The following TLE2 variants were observed in gnomAD, a reference collection of about 807,000 sequenced individuals.
The protein encoded by TLE2 is transducin-like enhancer protein 2.
Under a neutral mutation model 97.2 loss-of-function variants are expected in TLE2, and 74 were observed. That is an observed-to-expected ratio of 0.76 (90% confidence interval 0.63 to 0.92). The LOEUF (loss-of-function observed/expected upper bound fraction) is 0.92. Among genes scored for constraint, TLE2 ranks in the 40% least tolerant of loss-of-function variants. The pLI is 0.00. For missense variants in TLE2, 1,038 were observed against 1,008.7 expected, an observed-to-expected ratio of 1.03 and a Z score of -0.39; for synonymous variants, 499 against 432.1, an observed-to-expected ratio of 1.15 and a Z score of -1.92.
intron 18 of TLE2, among the ~76,000 whole-genome samples, chr19:3,002,066 G>A (rs551407419): frequency 2.4e-4 from 36 of 152,092 alleles, no homozygotes; most frequent in Non-Finnish European, 3.5e-4. Context: ...CCAAAGTGTT[G>A]GGATGACAGG....
chr19:3,029,004 GAAGA>G lies in TLE2; in HGVS notation c.-104_-101del. Reference sequence around the variant, plus strand: ...AAGTGGGGTGGTGGGGAGGCTGCCCGAAGAAAGAGGGAGGAGGGAGAAGCGGCGC... The same window carrying G: ...AAGTGGGGTGGTGGGGAGGCTGCCCGAAGAGGGAGGAGGGAGAAGCGGCGC... On this transcript the variant is annotated 5_prime_UTR_variant, in exon 1 of 20. Transcript: ENST00000262953. The G allele has an allele frequency of 6.5e-7, 1 of 1,531,854 alleles. No homozygotes were observed. The highest frequency in any genetic ancestry group is 8.8e-7 in the Non-Finnish European group (1 of 1,140,418). 94.9% of individuals were successfully genotyped at this position (1,531,854 alleles called of 1,614,324 possible). A position where few individuals can be genotyped will look rare whatever the true frequency, so the allele number is the denominator to read the frequency against.
chr19:3,022,967 G>A (rs1031231731), intron 5 of TLE2, among the ~76,000 whole-genome samples: 1 of 152,158 alleles, frequency 6.6e-6, no homozygotes, highest in Non-Finnish European at 1.5e-5. Flanking sequence ...AAAACAAGTG[G>A]AGGGGTGGAG....
rs1599247884 is a variant in TLE2, at chr19:3,028,971, G to C, written c.-67C>G. The C allele has an allele frequency of 6.3e-7, 1 of 1,579,936 alleles. No homozygotes were observed. ...ATGATATGGAGGCGGCAAGAGTGGGGGAGGCTGAAGTGGGGTGGTGGGGAG... is the reference window on the plus strand; with the variant it reads ...ATGATATGGAGGCGGCAAGAGTGGGCGAGGCTGAAGTGGGGTGGTGGGGAG... On this transcript the variant is annotated 5_prime_UTR_variant, in exon 1 of 20. Transcript: ENST00000262953.
chr19:3,026,654 C>T (rs1026360177), intron 4 of TLE2, among the ~76,000 whole-genome samples: 1 of 147,382 alleles, frequency 6.8e-6, no homozygotes, highest in Non-Finnish European at 1.5e-5. Flanking sequence ...ATCTCAGAAC[C>T]CTGAGGTCTA....
chr19:3,000,911 C>T (rs896546364), intron 18 of TLE2, among the ~76,000 whole-genome samples, 188 bp from the exon 19 acceptor site: 1 of 151,144 alleles, frequency 6.6e-6, no homozygotes, highest in Non-Finnish European at 1.5e-5. Flanking sequence ...CTGCAGCCTC[C>T]ACCACCTGGA....
At chr19:3,021,114 A>AAGGG (rs752326503) in intron 5 of TLE2, among the ~76,000 whole-genome samples, 2 of 45,446 alleles carry the variant, frequency 4.4e-5, no homozygotes, top group Non-Finnish European at 7.9e-5. Context: ...AAAAAAAAAA[A>AAGGG]GGGGGGGGGG....
At chr19:3,042,290 A>AG (rs1263284417) in intron 1 of TLE2, among the ~76,000 whole-genome samples, 4 of 29,514 alleles carry the variant, frequency 1.4e-4, no homozygotes, top group Non-Finnish European at 2.7e-4. Flanking sequence ...GCAGGGAGGA[A>AG]GGGGGGGCGG....
intron 17 of TLE2, among the ~76,000 whole-genome samples, chr19:3,005,207 G>A (rs1403418248): frequency 1.3e-5 from 2 of 152,162 alleles, no homozygotes; most frequent in Non-Finnish European, 2.9e-5. Context: ...TGATCTGGGG[G>A]TCTCAGTAGC....
At position 3,036,728 on chromosome 19, in the gene TLE2, T is replaced by C. The variant is rs543837322; in HGVS notation, c.64-7925A>G. Among the ~76,000 whole-genome samples the C allele has an allele frequency of 2.8e-5, 4 of 145,290 alleles. No homozygotes were observed. In the South Asian group the frequency reaches 8.7e-4, roughly 32 times the overall value. On this transcript the variant is annotated intron_variant, in intron 1 of 18. Transcript: ENST00000426948. ...CAGTTTACCCAGATGCACAGTGAGA[T>C]TGCTGGACAAAACTTTCATGAAACC...
chr19:2,998,087 TGA>T (rs1436646981), intron 19 of TLE2, 132 bp from the exon 20 acceptor site: 4 of 642,082 alleles, frequency 6.2e-6, no homozygotes, highest in Non-Finnish European at 1.1e-5. Flanking sequence ...TTTCTTTTTT[TGA>T]GATGGAGTTT....
intron 5 of TLE2, among the ~76,000 whole-genome samples, chr19:3,023,625 T>C (rs539848458): frequency 1.3e-5 from 2 of 152,014 alleles, no homozygotes; most frequent in Admixed American, 1.3e-4. Flanking sequence ...CTGGGTACAG[T>C]GGCTCACACC....
At chr19:3,006,140 C>T in intron 15 of TLE2, 172 bp from the exon 16 acceptor site, 1 of 957,910 alleles carries the variant, frequency 1.0e-6, no homozygotes, top group Non-Finnish European at 1.7e-6. Context: ...AACACTGCCC[C>T]ATCTGACTAT....
At chr19:3,028,012 G>A in intron 3 of TLE2, 139 bp from the exon 4 acceptor site, 2 of 885,456 alleles carry the variant, frequency 2.3e-6, no homozygotes, top group Admixed American at 2.4e-5. Flanking sequence ...AGCTCCACGG[G>A]GTCCCAGAGG....
chr19:3,027,751 C>T, intron 4 of TLE2, 78 bp downstream of exon 4: 1 of 1,468,388 alleles, frequency 6.8e-7, no homozygotes, highest in Non-Finnish European at 9.4e-7. Context: ...CTGGCCCCGG[C>T]TGCCCACTCT....
chr19:3,013,266 GACA>G (rs1237605182), intron 11 of TLE2, among the ~76,000 whole-genome samples: 1 of 151,976 alleles, frequency 6.6e-6, no homozygotes, highest in South Asian at 2.1e-4. Flanking sequence ...TCCTTCCGGG[GACA>G]ACATCTCAGC....
In TLE2 at chr19:3,028,953, G is replaced by A; in HGVS notation, c.-49C>T. ...AGGCGCCACCAGAGCTTGATGATAT[G>A]GAGGCGGCAAGAGTGGGGGAGGCTG... On this transcript the variant is annotated 5_prime_UTR_variant, in exon 1 of 20. Transcript: ENST00000262953. The A allele has an allele frequency of 6.3e-7, 1 of 1,598,110 alleles. No homozygotes were observed.
chr19:3,010,101 C>A (rs188609899), intron 12 of TLE2, among the ~76,000 whole-genome samples: 1 of 151,226 alleles, frequency 6.6e-6, no homozygotes. Flanking sequence ...CAGTGGCTCA[C>A]GCCTGTAATC....
upstream of TLE2, among the ~76,000 whole-genome samples, chr19:3,046,295 C>T (rs540482352): frequency 7.2e-5 from 11 of 152,244 alleles, no homozygotes; most frequent in Non-Finnish European, 1.6e-4. Context: ...GCCTGAAGGG[C>T]ACACAGAGGG....
At chr19:3,045,687 C>A in intron 1 of TLE2, 1 of 421,958 alleles carries the variant, frequency 2.4e-6, no homozygotes, top group Admixed American at 2.6e-5. Flanking sequence ...CAAAATTAAC[C>A]AGGTGTGGTG....
Sources: allele counts gnomAD v4.1 joint callset (sites outside exome capture counted in the v4.1 genomes callset), GRCh38; gene constraint gnomAD v4.1.1; transcripts MANE v1.5; gene names NCBI Gene and HGNC (gene_info 2026-07-23, HGNC 2026-07-21).